CFAP47: variants seen among roughly 807,000 people sequenced by gnomAD.
CFAP47 encodes the protein cilia- and flagella-associated protein 47.
CFAP47 carries 29 observed loss-of-function variants against 148.1 expected under a neutral mutation model. The ratio of observed to expected loss-of-function variants is 0.20; its 90% confidence interval spans 0.15 to 0.27. The LOEUF is 0.27. CFAP47 is among the 10% of genes least tolerant of loss of function. The probability of loss-of-function intolerance (pLI) is 1.00; values close to 1 mark genes in which losing one functional copy is unlikely to be tolerated. For missense variants in CFAP47, 1,872 were observed against 1,697.5 expected, an observed-to-expected ratio of 1.10 and a Z score of -1.81; for synonymous variants, 664 against 577.3, an observed-to-expected ratio of 1.15 and a Z score of -2.15.
chrX:36,230,751 GT>G, intron 46 of CFAP47, among the ~76,000 whole-genome samples: 1 of 107,606 alleles, frequency 9.3e-6, no homozygotes, highest in Middle Eastern at 4.7e-3. Flanking sequence ...TAGGTCTAAC[GT>G]TTAAGTCTTT....
At chrX:36,367,832 A>G (rs917837932) in intron 62 of CFAP47, 1 of 111,622 alleles carries the variant, frequency 9.0e-6, no homozygotes, top group Admixed American at 9.6e-5. Flanking sequence ...GATATTTCAA[A>G]TAAATGAAAT....
chrX:36,099,895 T>A lies in CFAP47; in HGVS notation c.5127+16T>A. 1.2e-6 allele frequency: 1 copy of A among 866,440 alleles called. No individual in the cohort carries two copies. Among genetic ancestry groups the A allele is most frequent in the Non-Finnish European group, 1.7e-6 (1 of 592,313 alleles). 71.4% of individuals were successfully genotyped at this position (866,440 alleles called of 1,213,427 possible). On this transcript the variant is annotated intron_variant, in intron 32 of 63. Transcript: ENST00000378653. ...GATATACAAGGTAACATTTCCATTA[T>A]TGTTCGCTGCTTCTCTGTTGATTAA... is the stretch of plus-strand genomic sequence containing the variant.
intron 62 of CFAP47, among the ~76,000 whole-genome samples, chrX:36,371,827 C>T (rs1941960130): frequency 1.5e-5 from 1 of 67,789 alleles, no homozygotes; most frequent in African/African-American, 6.2e-5. Flanking sequence ...TGCATATACA[C>T]ACATGTGTGT....
intron 46 of CFAP47, among the ~76,000 whole-genome samples, chrX:36,230,715 G>T (rs1206729190): frequency 9.2e-6 from 1 of 108,970 alleles, no homozygotes; most frequent in Non-Finnish European, 1.9e-5. Flanking sequence ...TAATGCCTAG[G>T]TTTTCTTCTA....
At chrX:36,199,970 G>A (rs1200498744) in intron 42 of CFAP47, among the ~76,000 whole-genome samples, 6 of 111,787 alleles carry the variant, frequency 5.4e-5, no homozygotes, top group Admixed American at 2.9e-4. Flanking sequence ...CATTTTGAAA[G>A]CCTGCACTTT....
rs185237369 is a variant in CFAP47, at chrX:36,250,277, A to G, written c.7333-1056A>G. ...TCATTTGTGACATGGATGAACCTGG[A>G]AGCCATTATGTTGAGTGAAGTAAGC... On this transcript the variant is annotated intron_variant, in intron 48 of 63. Coordinates refer to ENST00000378653, the MANE Select transcript of CFAP47 (RefSeq NM_001304548.2). Among the ~76,000 whole-genome samples the G allele has an allele frequency of 2.0e-3, 227 of 111,456 alleles. 1 individual carries two copies. Among genetic ancestry groups the G allele is most frequent in the African/African-American group, 7.1e-3 (218 of 30,799 alleles).
intron 57 of CFAP47, among the ~76,000 whole-genome samples, chrX:36,344,179 A>G (rs1377064147): frequency 9.3e-5 from 10 of 107,454 alleles, no homozygotes; most frequent in Non-Finnish European, 1.9e-4. Flanking sequence ...ATGTATACAT[A>G]TGTAACTAAC....
intron 57 of CFAP47, among the ~76,000 whole-genome samples, chrX:36,323,469 G>A (rs1162517784): frequency 9.0e-6 from 1 of 110,563 alleles, no homozygotes; most frequent in Non-Finnish European, 1.9e-5. Flanking sequence ...TGATTCAGCA[G>A]GGAAGTTCTA....
chrX:36,024,688 G>A (rs1264506438), intron 22 of CFAP47, among the ~76,000 whole-genome samples: 1 of 111,421 alleles, frequency 9.0e-6, no homozygotes, highest in Non-Finnish European at 1.9e-5. Context: ...GTAGATGTCA[G>A]TTGTGTTTGA....
intron 45 of CFAP47, among the ~76,000 whole-genome samples, chrX:36,213,754 C>G (rs1940128413): frequency 8.9e-6 from 1 of 112,269 alleles, no homozygotes; most frequent in Non-Finnish European, 1.9e-5. Flanking sequence ...TTATGCTGCA[C>G]AAAATGTGAA....
At chrX:36,072,382 T>C (rs1354721967) in intron 28 of CFAP47, among the ~76,000 whole-genome samples, 1 of 111,931 alleles carries the variant, frequency 8.9e-6, no homozygotes, top group African/African-American at 3.2e-5. Flanking sequence ...CTGTGCACAG[T>C]TTGGGAACTG....
intron 57 of CFAP47, among the ~76,000 whole-genome samples, chrX:36,342,680 C>T (rs941273723): frequency 8.9e-6 from 1 of 111,928 alleles, no homozygotes; most frequent in Non-Finnish European, 1.9e-5. Flanking sequence ...AAATTCTTCA[C>T]TTCATACATG....
chrX:36,078,567 C>A (rs903151563), intron 29 of CFAP47, among the ~76,000 whole-genome samples: 3 of 110,710 alleles, frequency 2.7e-5, no homozygotes, highest in African/African-American at 9.9e-5. Flanking sequence ...GTAAATCTTC[C>A]TCCATCACTT....
At chrX:36,316,893 C>A (rs1423742632) in intron 56 of CFAP47, among the ~76,000 whole-genome samples, 3 of 111,740 alleles carry the variant, frequency 2.7e-5, no homozygotes, top group Non-Finnish European at 5.6e-5. Context: ...TCAGATGATT[C>A]TCCCACTCCA....
intron 15 of CFAP47, among the ~76,000 whole-genome samples, chrX:35,982,958 A>G (rs1936666200): frequency 8.9e-6 from 1 of 112,067 alleles, no homozygotes; most frequent in Non-Finnish European, 1.9e-5. Flanking sequence ...TTATGGTTCC[A>G]TATGAATTTT....
At chrX:35,988,812 C>T (rs185259130) in intron 15 of CFAP47, among the ~76,000 whole-genome samples, 4 of 111,707 alleles carry the variant, frequency 3.6e-5, no homozygotes, top group East Asian at 5.6e-4. Flanking sequence ...TGTTAATTAC[C>T]GATAGCTAAA....
intron 39 of CFAP47, among the ~76,000 whole-genome samples, chrX:36,178,060 C>T (rs1939706993): frequency 9.0e-6 from 1 of 111,700 alleles, no homozygotes; most frequent in African/African-American, 3.3e-5. Context: ...AGGCCATCAT[C>T]CTAAGAGAAT....
chrX:35,952,003 T>C (rs373156428), intron 6 of CFAP47, 40 bp downstream of exon 6: 47 of 1,119,824 alleles, frequency 4.2e-5, no homozygotes, highest in Non-Finnish European at 5.2e-5. Flanking sequence ...TAAATATTAA[T>C]GGAAAGTATA....
At position 35,919,882 on chromosome X, in the gene CFAP47, C is replaced by T. The variant is rs769168908; in HGVS notation, c.83C>T (p.Pro28Leu). ...AMSIQRGSLV[P>L]RDMDSSGRDM... Reference sequence around the variant, plus strand: ...AGCATCCAAAGGGGTTCCCTCGTCCCCCGGGATATGGATAGCTCGGGTAGA... The same window carrying T: ...AGCATCCAAAGGGGTTCCCTCGTCCTCCGGGATATGGATAGCTCGGGTAGA... Residue 28 changes from proline to leucine, a missense_variant, in exon 1 of 64, where the codon CCC becomes CTC. Transcript: ENST00000378653. The T allele has an allele frequency of 1.4e-5, 17 of 1,208,766 alleles. No homozygotes were observed. The highest frequency in any genetic ancestry group is 1.8e-5 in the Non-Finnish European group (16 of 894,785).
Sources: allele counts gnomAD v4.1 joint callset (sites outside exome capture counted in the v4.1 genomes callset), GRCh38; gene constraint gnomAD v4.1.1; transcripts MANE v1.5; gene names NCBI Gene and HGNC (gene_info 2026-07-23, HGNC 2026-07-21).